Variants in SLC16A2 observed in about 807,000 individuals in gnomAD.
SLC16A2 encodes monocarboxylate transporter 8.
A neutral mutation model predicts 27.2 loss-of-function variants in SLC16A2; 3 were observed. The observed-to-expected ratio is 0.11, with a 90% CI of 0.05 to 0.28. The LOEUF (loss-of-function observed/expected upper bound fraction) is 0.28, where lower values mean the gene tolerates loss of function less well. Ranked by LOEUF, SLC16A2 falls within the 10% of genes least tolerant of loss-of-function variation. The pLI is 1.00. For missense variants in SLC16A2, 295 were observed against 458.5 expected, an observed-to-expected ratio of 0.64 and a Z score of 3.26; for synonymous variants, 202 against 187.8, an observed-to-expected ratio of 1.08 and a Z score of -0.62.
Position 74,475,508 on chromosome X carries a change from G to T in SLC16A2, c.431-45482G>T, listed in dbSNP as rs1178392494. 1.1e-4 allele frequency among the ~76,000 whole-genome samples: 12 copies of T among 108,380 alleles called. No individual in the cohort carries two copies. In the South Asian group the frequency reaches 3.2e-3, roughly 29 times the overall value. The allele number at this position is 108,380 out of a possible 115,157, so 94.1% of individuals were successfully genotyped here. A position where few individuals can be genotyped will look rare whatever the true frequency, so the allele number is the denominator to read the frequency against. On this transcript the variant is annotated intron_variant, in intron 1 of 5. Coordinates refer to ENST00000587091, the MANE Select transcript of SLC16A2 (RefSeq NM_006517.5). Reference sequence around the variant, plus strand: ...AATTAGATCCCATTTGTCAATTTTGGCTTTTGTTGCCATTGCTTTTGGTGT... The same window carrying T: ...AATTAGATCCCATTTGTCAATTTTGTCTTTTGTTGCCATTGCTTTTGGTGT...
At chrX:74,426,937 C>G (rs1928411705) in intron 1 of SLC16A2, among the ~76,000 whole-genome samples, 1 of 111,528 alleles carries the variant, frequency 9.0e-6, no homozygotes, top group African/African-American at 3.3e-5. Context: ...ATTACCCAAT[C>G]CTTTTTACCT....
At chrX:74,445,485 G>A (rs1262870890) in intron 1 of SLC16A2, among the ~76,000 whole-genome samples, 1 of 108,084 alleles carries the variant, frequency 9.3e-6, no homozygotes, top group Non-Finnish European at 1.9e-5. Flanking sequence ...GATAGAGAAC[G>A]ATGTCTCATG....
chrX:74,520,696 A>G lies in SLC16A2; in HGVS notation c.431-294A>G, dbSNP rs777701840. Among the ~76,000 whole-genome samples, 6 of 111,890 alleles carry G rather than the reference A, an allele frequency of 5.4e-5. No individual in the cohort carries two copies. In the South Asian group the frequency reaches 1.1e-3, roughly 21 times the overall value. On this transcript the variant is annotated intron_variant, in intron 1 of 5. Transcript: ENST00000587091. Reference sequence around the variant, plus strand: ...CTTAGCTCCTGAAAGCTTAACCCCAATGTTTTTTGCCCCTGAAGCCAGTGG... The same window carrying G: ...CTTAGCTCCTGAAAGCTTAACCCCAGTGTTTTTTGCCCCTGAAGCCAGTGG...
intron 4 of SLC16A2, among the ~76,000 whole-genome samples, chrX:74,527,705 T>G (rs982915239): frequency 3.6e-5 from 4 of 112,582 alleles, no homozygotes; most frequent in African/African-American, 1.3e-4. Context: ...AGAGAGATTT[T>G]AAATTTCTGA....
intron 1 of SLC16A2, 131 bp downstream of exon 1, chrX:74,422,198 C>A (rs1364837920): frequency 1.6e-6 from 1 of 628,927 alleles, no homozygotes; most frequent in Non-Finnish European, 2.5e-6. Context: ...TACCCCTTAC[C>A]CCTTGCCCCT....
chrX:74,467,400 T>G (rs1929272159), intron 1 of SLC16A2, among the ~76,000 whole-genome samples: 1 of 110,999 alleles, frequency 9.0e-6, no homozygotes, highest in South Asian at 3.8e-4. Context: ...TGTGGGAACA[T>G]GTGAAAAGCC....
At chrX:74,427,023 G>A (rs1442874641) in intron 1 of SLC16A2, among the ~76,000 whole-genome samples, 1 of 112,066 alleles carries the variant, frequency 8.9e-6, no homozygotes, top group Non-Finnish European at 1.9e-5. Context: ...GGGTCTCCAA[G>A]AGAACTCCCT....
chrX:74,427,809 GCGCACACA>G (rs1928434445), intron 1 of SLC16A2, among the ~76,000 whole-genome samples: 1 of 71,134 alleles, frequency 1.4e-5, no homozygotes. Flanking sequence ...GTGCACGCGC[GCGCACACA>G]CACACACACA....
chrX:74,424,517 G>A (rs943405865), intron 1 of SLC16A2, among the ~76,000 whole-genome samples: 2 of 111,788 alleles, frequency 1.8e-5, no homozygotes, highest in Admixed American at 9.5e-5. Flanking sequence ...TTTCCCAGCC[G>A]TCTGTGCCAC....
At position 74,533,437 on chromosome X, in the gene SLC16A2, G is replaced by A. The variant is rs761131219; in HGVS notation, c.*1884G>A. On this transcript the variant is annotated 3_prime_UTR_variant, in exon 6 of 6. Coordinates refer to ENST00000587091, the MANE Select transcript of SLC16A2 (RefSeq NM_006517.5). ...TGTCAGTTCTAACAGTAGTGGAACA[G>A]GAGAATCTGGGCCCTAGGAGCCCTG... is the stretch of plus-strand genomic sequence containing the variant. 4 of 112,435 alleles carry A rather than the reference G, an allele frequency of 3.6e-5. No homozygotes were observed. The East Asian group carries it at 1.1e-3, about 32-fold the overall frequency. 9.3% of individuals were successfully genotyped at this position (112,435 alleles called of 1,213,427 possible). A position where few individuals can be genotyped will look rare whatever the true frequency, so the allele number is the denominator to read the frequency against.
Position 74,531,388 on chromosome X carries a change from G to C in SLC16A2, c.1455G>C (p.Val485=), listed in dbSNP as rs1391499283. ...ATGTGGCCTTCTACTTTGCCGGTGT[G>C]CCCCCCATCATCGGGGCTGTAATCC... ...DYHVAFYFAG[V]PPIIGAVILF... is the part of the protein sequence containing the mutation. Residue 485 remains valine, a synonymous_variant, in exon 6 of 6, where the codon GTG becomes GTC. Coordinates refer to ENST00000587091, the MANE Select transcript of SLC16A2 (RefSeq NM_006517.5). The C allele has an allele frequency of 8.3e-7, 1 of 1,211,670 alleles. No homozygotes were observed. The highest frequency in any genetic ancestry group is 1.1e-6 in the Non-Finnish European group (1 of 895,310).
chrX:74,520,734 G>A (rs1930392209), intron 1 of SLC16A2, among the ~76,000 whole-genome samples: 1 of 111,802 alleles, frequency 8.9e-6, no homozygotes, highest in Non-Finnish European at 1.9e-5. Flanking sequence ...TAGAACCTAA[G>A]GCTATAGATC....
intron 5 of SLC16A2, 79 bp downstream of exon 5, chrX:74,529,520 C>T: frequency 2.8e-6 from 2 of 723,982 alleles, no homozygotes; most frequent in Non-Finnish European, 4.0e-6. Flanking sequence ...AGCATCTCTC[C>T]TTGAGGCCCC....
intron 1 of SLC16A2, among the ~76,000 whole-genome samples, chrX:74,499,044 T>G (rs1383933095): frequency 5.3e-5 from 6 of 112,211 alleles, no homozygotes; most frequent in Non-Finnish European, 1.1e-4. Flanking sequence ...ACAGGCATGG[T>G]GGCATTGGCA....
chrX:74,438,165 C>T (rs1928659882), intron 1 of SLC16A2, among the ~76,000 whole-genome samples: 1 of 112,436 alleles, frequency 8.9e-6, no homozygotes, highest in Non-Finnish European at 1.9e-5. Context: ...GATCTTATAA[C>T]AGACAGACCA....
At chrX:74,504,045 A>ACTACTT (rs763436987) in intron 1 of SLC16A2, among the ~76,000 whole-genome samples, 3 of 112,708 alleles carry the variant, frequency 2.7e-5, no homozygotes, top group East Asian at 5.6e-4. Context: ...TAGTAGTACT[A>ACTACTT]CTACTTCTAC....
chrX:74,442,228 C>CAAAAA (rs1278847714), intron 1 of SLC16A2, among the ~76,000 whole-genome samples: 6 of 38,352 alleles, frequency 1.6e-4, no homozygotes, highest in Non-Finnish European at 2.0e-4. Context: ...AACTCCGTCT[C>CAAAAA]AAAAAAAAAA....
Position 74,421,898 on chromosome X carries a change from C to A in SLC16A2, c.261C>A (p.Gly87=). The A allele has an allele frequency of 1.7e-6, 2 of 1,210,648 alleles. No homozygotes were observed. The highest frequency in any genetic ancestry group is 2.2e-6 in the Non-Finnish European group (2 of 895,097). Residue 87 remains glycine (G), a synonymous_variant, in exon 1 of 6, where the codon GGC becomes GGA. Coordinates refer to ENST00000587091, the MANE Select transcript of SLC16A2 (RefSeq NM_006517.5). ...PEPTPTVETR[G]TARGFQPPEG... Reference sequence around the variant, plus strand: ...CCACGCCTACGGTAGAGACCCGCGGCACCGCGCGCGGCTTCCAGCCTCCCG... The same window carrying A: ...CCACGCCTACGGTAGAGACCCGCGGAACCGCGCGCGGCTTCCAGCCTCCCG...
At chrX:74,423,068 T>C (rs1360050319) in intron 1 of SLC16A2, among the ~76,000 whole-genome samples, 1 of 112,747 alleles carries the variant, frequency 8.9e-6, no homozygotes, top group Non-Finnish European at 1.9e-5. Context: ...CTCTTCTCAT[T>C]GAGGCCGCCT....
Sources: gnomAD v4.1 joint callset for allele counts (sites outside exome capture counted in the v4.1 genomes callset) on GRCh38, gnomAD v4.1.1 for gene constraint, MANE v1.5 for transcripts, NCBI Gene and HGNC (gene_info 2026-07-23, HGNC 2026-07-21) for gene names.